RBMS3: variants seen among roughly 807,000 people sequenced by gnomAD.
The protein encoded by RBMS3 is RNA-binding motif, single-stranded-interacting protein 3.
In RBMS3, 27 loss-of-function variants were observed where a neutral mutation model predicts 66.8. The ratio of observed to expected loss-of-function variants is 0.40; its 90% CI spans 0.30 to 0.56. The LOEUF (loss-of-function observed/expected upper bound fraction) is 0.56, where lower values mean the gene tolerates loss of function less well. Ranked by LOEUF, RBMS3 falls within the 20% of genes least tolerant of loss-of-function variation. RBMS3 has a pLI of 0.40. For synonymous variants in RBMS3, 188 were observed against 183.0 expected (o/e 1.03, Z -0.22); for missense variants, 513 against 549.5 (o/e 0.93, Z 0.66).
intron 4 of RBMS3, among the ~76,000 whole-genome samples, chr3:29,701,845 G>T (rs763541254): frequency 4.0e-5 from 6 of 151,798 alleles, no homozygotes; most frequent in South Asian, 2.1e-4. Context: ...GCGCGCAGCC[G>T]GAGTCTCACC....
chr3:29,383,974 A>G (rs1460893866), intron 1 of RBMS3, among the ~76,000 whole-genome samples: 1 of 152,210 alleles, frequency 6.6e-6, no homozygotes, highest in African/African-American at 2.4e-5. Context: ...TTTACTCACC[A>G]AATTTTGAAA....
At chr3:29,408,289 A>T (rs1289512092) in intron 1 of RBMS3, among the ~76,000 whole-genome samples, 1 of 151,626 alleles carries the variant, frequency 6.6e-6, no homozygotes, top group Non-Finnish European at 1.5e-5. Flanking sequence ...AAAAAAAAAA[A>T]AAAGGAAGTA....
At position 29,562,319 on chromosome 3, in the gene RBMS3, G is replaced by C. The variant is rs575971543; in HGVS notation, c.308-24795G>C. On this transcript the variant is annotated intron_variant, in intron 3 of 14. Coordinates refer to ENST00000383767, the MANE Select transcript of RBMS3 (RefSeq NM_001003793.3). Reference sequence around the variant, plus strand: ...TTTTCACCCAGGCTTACTGCTGCCCGATCTTCTGATTGTTAAAGAGAAGCT... The same window carrying C: ...TTTTCACCCAGGCTTACTGCTGCCCCATCTTCTGATTGTTAAAGAGAAGCT... Among the ~76,000 whole-genome samples, 6 of 152,162 alleles carry C rather than the reference G, an allele frequency of 3.9e-5. No homozygotes were observed. In the East Asian group the frequency reaches 1.2e-3, roughly 29 times the overall value.
chr3:29,293,693 T>C (rs537100677), intron 1 of RBMS3, among the ~76,000 whole-genome samples: 1 of 151,704 alleles, frequency 6.6e-6, no homozygotes, highest in African/African-American at 2.4e-5. Context: ...CTTTCCCAGA[T>C]TGTCCTTCCT....
At chr3:29,884,469 T>TCTCTC (rs1553692501) in intron 8 of RBMS3, among the ~76,000 whole-genome samples, 43 of 66,340 alleles carry the variant, frequency 6.5e-4, no homozygotes, top group Non-Finnish European at 8.2e-4. Context: ...TCTCTCTCTC[T>TCTCTC]CCCCCCCCGC....
intron 1 of RBMS3, among the ~76,000 whole-genome samples, chr3:29,326,031 G>T (rs947617755): frequency 2.0e-5 from 3 of 152,122 alleles, no homozygotes; most frequent in African/African-American, 7.2e-5. Flanking sequence ...ACACTTGACT[G>T]TAGATTAAAC....
At chr3:29,790,591 A>G (rs566610079) in intron 6 of RBMS3, among the ~76,000 whole-genome samples, 1 of 152,204 alleles carries the variant, frequency 6.6e-6, no homozygotes, top group South Asian at 2.1e-4. Flanking sequence ...GATGTCAGAG[A>G]TTCTCTAAAA....
intron 3 of RBMS3, among the ~76,000 whole-genome samples, chr3:29,542,185 C>T (rs1446482064): frequency 3.9e-5 from 6 of 152,148 alleles, no homozygotes; most frequent in African/African-American, 1.4e-4. Context: ...GAACAGTGAA[C>T]AATTACTGGG....
intron 3 of RBMS3, among the ~76,000 whole-genome samples, chr3:29,577,117 G>T (rs1014624321): frequency 1.3e-5 from 2 of 152,142 alleles, no homozygotes; most frequent in South Asian, 4.1e-4. Context: ...TTAGTCAGCA[G>T]GTTATGAATC....
intron 12 of RBMS3, among the ~76,000 whole-genome samples, chr3:29,974,729 G>T (rs1437606204): frequency 6.7e-6 from 1 of 149,602 alleles, no homozygotes; most frequent in South Asian, 2.1e-4. Context: ...ATTCAACATT[G>T]TATCTGTGAG....
At chr3:29,808,659 C>T (rs1419345195) in intron 6 of RBMS3, among the ~76,000 whole-genome samples, 3 of 151,924 alleles carry the variant, frequency 2.0e-5, no homozygotes, top group Admixed American at 6.6e-5. Flanking sequence ...AATAATTTAA[C>T]GTCTGGGTAA....
chr3:29,687,634 C>T (rs955067273), intron 4 of RBMS3, among the ~76,000 whole-genome samples: 2 of 152,226 alleles, frequency 1.3e-5, no homozygotes, highest in Admixed American at 6.5e-5. Context: ...CAAAGGTTTT[C>T]GGGGTATGCT....
chr3:29,408,565 C>G (rs1261779606), intron 1 of RBMS3, among the ~76,000 whole-genome samples: 1 of 151,884 alleles, frequency 6.6e-6, no homozygotes, highest in Non-Finnish European at 1.5e-5. Flanking sequence ...TTTAAATTAC[C>G]CTGTACTTTT....
At chr3:29,404,002 G>T (rs1373329052) in intron 1 of RBMS3, among the ~76,000 whole-genome samples, 2 of 152,028 alleles carry the variant, frequency 1.3e-5, no homozygotes, top group Non-Finnish European at 2.9e-5. Flanking sequence ...TCATAGATTG[G>T]ATGAGAACAT....
intron 6 of RBMS3, chr3:29,765,700 T>G (rs1194781195): frequency 6.6e-6 from 1 of 151,986 alleles, no homozygotes; most frequent in African/African-American, 2.4e-5. Flanking sequence ...GTGGAAAGAT[T>G]GAATATGATG....
At chr3:29,800,991 G>A (rs116253475) in intron 6 of RBMS3, among the ~76,000 whole-genome samples, 2,906 of 136,034 alleles carry the variant, frequency 0.021, 93 homozygotes, top group African/African-American at 0.072. Context: ...GTGTGCATGC[G>A]TGCACACACG....
At chr3:29,366,819 C>T (rs1050883992) in intron 1 of RBMS3, among the ~76,000 whole-genome samples, 7 of 152,200 alleles carry the variant, frequency 4.6e-5, no homozygotes, top group Non-Finnish European at 1.0e-4. Context: ...CTTTCTATAG[C>T]GGGGCTGTGT....
intron 1 of RBMS3, among the ~76,000 whole-genome samples, chr3:29,381,696 C>T (rs1478574409): frequency 2.0e-5 from 3 of 152,210 alleles, no homozygotes; most frequent in Non-Finnish European, 4.4e-5. Flanking sequence ...ATATCTGCCC[C>T]TGCCCTATTG....
At chr3:29,368,564 TAA>T (rs34386292) in intron 1 of RBMS3, among the ~76,000 whole-genome samples, 1 of 146,982 alleles carries the variant, frequency 6.8e-6, no homozygotes, top group Non-Finnish European at 1.5e-5. Context: ...AAGGAGCTGT[TAA>T]AAAAAAAAAG....
Sources: allele counts gnomAD v4.1 joint callset (sites outside exome capture counted in the v4.1 genomes callset), GRCh38; gene constraint gnomAD v4.1.1; transcripts MANE v1.5; gene names NCBI Gene and HGNC (gene_info 2026-07-23, HGNC 2026-07-21).